Variants in TMEM229B observed in about 807,000 individuals in gnomAD.
The protein encoded by TMEM229B is chromosome 14 open reading frame 83.
A neutral mutation model predicts 13.7 loss-of-function variants in TMEM229B; 6 were observed. The observed-to-expected ratio is 0.44, with a 90% CI of 0.24 to 0.86. TMEM229B has a LOEUF of 0.86. Among genes scored for constraint, TMEM229B ranks in the 40% least tolerant of loss-of-function variants. The pLI is 0.23. For synonymous variants in TMEM229B, 107 were observed against 102.1 expected, an observed-to-expected ratio of 1.05 and a Z score of -0.29; for missense variants, 170 against 236.0, an observed-to-expected ratio of 0.72 and a Z score of 1.83.
intron 2 of TMEM229B, among the ~76,000 whole-genome samples, chr14:67,478,792 T>G (rs761634995): frequency 2.0e-5 from 3 of 152,130 alleles, no homozygotes; most frequent in Non-Finnish European, 4.4e-5. Flanking sequence ...CAGAGTTGTC[T>G]TCCCACTTCT....
At position 67,472,996 on chromosome 14, in the gene TMEM229B, G is replaced by T; in HGVS notation, c.*424C>A. ...GGTTGCAAGCAAGCACCTGAATATTGCCTAATGGAACCAGCCAAAGCTCAA... is the reference window on the plus strand; with the variant it reads ...GGTTGCAAGCAAGCACCTGAATATTTCCTAATGGAACCAGCCAAAGCTCAA... On this transcript the variant is annotated 3_prime_UTR_variant, in exon 3 of 3. Coordinates refer to ENST00000554480, the MANE Select transcript of TMEM229B (RefSeq NM_001348543.2). 5.1e-6 allele frequency: 1 copy of T among 197,962 alleles called. No individual in the cohort carries two copies. Among genetic ancestry groups the T allele is most frequent in the Non-Finnish European group, 1.0e-5 (1 of 95,376 alleles). 12.3% of individuals were successfully genotyped at this position (197,962 alleles called of 1,614,324 possible).
At chr14:67,496,795 T>TCTC (rs2032406945) in intron 1 of TMEM229B, among the ~76,000 whole-genome samples, 1 of 69,108 alleles carries the variant, frequency 1.4e-5, no homozygotes, top group African/African-American at 4.1e-5. Context: ...TCTGTCTTTC[T>TCTC]TTCTTGCTTG....
intron 2 of TMEM229B, among the ~76,000 whole-genome samples, chr14:67,474,570 G>A (rs535511900): frequency 3.9e-5 from 6 of 151,954 alleles, no homozygotes; most frequent in African/African-American, 1.4e-4. Context: ...TTGTGTGTGT[G>A]CATGCCATTT....
intron 1 of TMEM229B, among the ~76,000 whole-genome samples, chr14:67,502,320 G>C (rs938913686): frequency 6.6e-6 from 1 of 150,416 alleles, no homozygotes; most frequent in Non-Finnish European, 1.5e-5. Context: ...AACAGAGTGA[G>C]ACTCCATCTC....
intron 1 of TMEM229B, among the ~76,000 whole-genome samples, chr14:67,529,061 C>G (rs968769567): frequency 3.9e-5 from 6 of 152,170 alleles, no homozygotes; most frequent in Non-Finnish European, 7.3e-5. Flanking sequence ...CTTTACACCT[C>G]TACACCTTCA....
In TMEM229B at chr14:67,473,957, G is replaced by C; in HGVS notation, c.-18-16C>G. 6.4e-7 allele frequency: 1 copy of C among 1,571,884 alleles called. No individual in the cohort carries two copies. On this transcript the variant is annotated splice_polypyrimidine_tract_variant and intron_variant, in intron 2 of 2. Transcript: ENST00000554480. The surrounding 1 kb of genome is among the most constrained non-coding windows in gnomAD (Gnocchi z 6.5). ...CTGGGGCTGGCTGCGGGGGGCGCAA[G>C]AGAGACAGGTGAGGGCCGGGCGCGG...
Position 67,473,892 on chromosome 14 carries a change from G to C in TMEM229B, c.32C>G (p.Ser11Cys), listed in dbSNP as rs765589318. The C allele has an allele frequency of 1.9e-6, 3 of 1,609,306 alleles. No homozygotes were observed. The highest frequency in any genetic ancestry group is 2.5e-6 in the Non-Finnish European group (3 of 1,178,030). Residue 11 changes from serine to cysteine, a missense_variant, in exon 3 of 3, where the codon TCC becomes TGC. Ser to Cys is a moderately radical substitution (Grantham distance 112). Transcript: ENST00000554480. The surrounding 1 kb of genome is among the most constrained non-coding windows in gnomAD (Gnocchi z 6.5). The stretch of plus-strand genomic sequence containing the variant: ...GTGGATGGCATACAGGTACCAGCGG[G>C]ACAGCGCCGTCAGGGGCTCGGCAGA... The part of the protein sequence containing the change: MASAEPLTAL[S>C]RWYLYAIHGY...
chr14:67,481,392 A>G (rs2140092501), intron 2 of TMEM229B, among the ~76,000 whole-genome samples: 1 of 152,308 alleles, frequency 6.6e-6, no homozygotes, highest in East Asian at 1.9e-4. Flanking sequence ...CATGGGTAGT[A>G]GATGGAGGGG....
intron 2 of TMEM229B, among the ~76,000 whole-genome samples, chr14:67,481,537 G>T (rs1232609918): frequency 6.6e-6 from 1 of 152,204 alleles, no homozygotes; most frequent in African/African-American, 2.4e-5. Context: ...AGGAATAGGA[G>T]ACAGTGTCAT....
At chr14:67,517,343 C>G (rs17104389), upstream of TMEM229B, among the ~76,000 whole-genome samples, 1,818 of 152,318 alleles carry the variant, frequency 0.012, 41 homozygotes, top group African/African-American at 0.042. Flanking sequence ...GGAAAGGCTT[C>G]GGAAGATCTG....
chr14:67,510,745 A>G (rs867907551), intron 1 of TMEM229B, among the ~76,000 whole-genome samples: 5 of 152,144 alleles, frequency 3.3e-5, no homozygotes, highest in Admixed American at 6.5e-5. Flanking sequence ...GAGAGATACT[A>G]AGGACTTAGG....
upstream of TMEM229B, among the ~76,000 whole-genome samples, chr14:67,493,048 G>A (rs2032230193): frequency 6.6e-6 from 1 of 152,182 alleles, no homozygotes; most frequent in Admixed American, 6.5e-5. Flanking sequence ...TTAGAAAGAT[G>A]AGAAGAAGCC....
chr14:67,482,000 A>G (rs1186020606), intron 2 of TMEM229B, among the ~76,000 whole-genome samples: 1 of 152,234 alleles, frequency 6.6e-6, no homozygotes, highest in Non-Finnish European at 1.5e-5. Flanking sequence ...GAGTTTGGAG[A>G]GCAAAGGATA....
chr14:67,525,762 T>C (rs951338624), intron 1 of TMEM229B, among the ~76,000 whole-genome samples: 1 of 152,236 alleles, frequency 6.6e-6, no homozygotes, highest in African/African-American at 2.4e-5. Context: ...TGGATTTATT[T>C]CAACATTAAC....
chr14:67,516,473 A>G (rs1594719799), upstream of TMEM229B, among the ~76,000 whole-genome samples: 1 of 152,162 alleles, frequency 6.6e-6, no homozygotes, highest in East Asian at 1.9e-4. Flanking sequence ...CCCAGTGACA[A>G]ACAGCTCTCA....
chr14:67,480,023 G>A (rs926519936), intron 2 of TMEM229B, among the ~76,000 whole-genome samples: 5 of 152,202 alleles, frequency 3.3e-5, no homozygotes, highest in African/African-American at 1.2e-4. Context: ...GTGCCTCAGG[G>A]TCCTTGTAGG....
chr14:67,525,123 T>C (rs1257474652), intron 1 of TMEM229B, among the ~76,000 whole-genome samples: 2 of 152,190 alleles, frequency 1.3e-5, no homozygotes, highest in African/African-American at 4.8e-5. Flanking sequence ...TTACATAATA[T>C]AGAAAAGAAC....
At chr14:67,492,817 C>T (rs939336473), upstream of TMEM229B, among the ~76,000 whole-genome samples, 13 of 152,196 alleles carry the variant, frequency 8.5e-5, no homozygotes, top group Admixed American at 6.5e-5. Context: ...TACTGAGACC[C>T]AGTGAAGGCC....
chr14:67,511,117 A>T (rs1446106155), intron 1 of TMEM229B, among the ~76,000 whole-genome samples: 2 of 152,184 alleles, frequency 1.3e-5, no homozygotes. Context: ...CCAGAAGCTC[A>T]TGTGACAGGG....
Sources: gnomAD v4.1 joint callset for allele counts (sites outside exome capture counted in the v4.1 genomes callset) on GRCh38, gnomAD v4.1.1 for gene constraint, Gnocchi (gnomAD v3.1) non-coding constraint, MANE v1.5 for transcripts, NCBI Gene and HGNC (gene_info 2026-07-23, HGNC 2026-07-21) for gene names.